Variants in WIF1 observed in about 807,000 individuals in gnomAD.
WIF1 encodes the protein Wnt inhibitory factor 1.
Under a neutral mutation model 53.5 loss-of-function variants are expected in WIF1, and 35 were observed. The ratio of observed to expected loss-of-function variants is 0.65; its 90% CI spans 0.50 to 0.87. The LOEUF (loss-of-function observed/expected upper bound fraction) is 0.87, where lower values mean the gene tolerates loss of function less well. Among genes scored for constraint, WIF1 ranks in the 40% least tolerant of loss-of-function variants. The probability of loss-of-function intolerance (pLI) is 0.00; values close to 1 mark genes in which losing one functional copy is unlikely to be tolerated. For synonymous variants in WIF1, 171 were observed against 170.4 expected, an observed-to-expected ratio of 1.00 and a Z score of -0.03; for missense variants, 467 against 476.8, an observed-to-expected ratio of 0.98 and a Z score of 0.19.
In WIF1 at chr12:65,106,380, TTTA is replaced by T. The variant is rs1204272302; in HGVS notation, c.288+14034_288+14036del. 1.4e-4 allele frequency among the ~76,000 whole-genome samples: 16 copies of T among 114,132 alleles called. No individual in the cohort carries two copies. In the East Asian group the frequency reaches 2.5e-3, roughly 18 times the overall value. 74.9% of individuals were successfully genotyped at this position (114,132 alleles called of 152,430 possible). A position where few individuals can be genotyped will look rare whatever the true frequency, so the allele number is the denominator to read the frequency against. On this transcript the variant is annotated intron_variant, in intron 2 of 9. Coordinates refer to ENST00000286574, the MANE Select transcript of WIF1 (RefSeq NM_007191.5). ...ATGATCATATATATATATATTTTTT[TTTA>T]TTTTTTTTGTTTTTGAGATGGAGTT...
intron 9 of WIF1, among the ~76,000 whole-genome samples, chr12:65,052,431 C>T (rs935593255): frequency 1.1e-4 from 17 of 152,062 alleles, no homozygotes; most frequent in African/African-American, 3.6e-4. Flanking sequence ...CCATGAAGCC[C>T]AAACCTTTCT....
intron 2 of WIF1, among the ~76,000 whole-genome samples, chr12:65,104,791 TGTAA>T (rs934506118): frequency 2.6e-5 from 4 of 152,220 alleles, no homozygotes; most frequent in Admixed American, 6.5e-5. Flanking sequence ...TTTAACATTC[TGTAA>T]GTAAGTAAAT....
In WIF1 at chr12:65,062,478, C is replaced by T. The variant is rs370608121; in HGVS notation, c.826+3G>A. On this transcript the variant is annotated splice_donor_region_variant and intron_variant, in intron 7 of 9. Transcript: ENST00000286574. ...CAAAAGAACGCAGAAAGTCAATACT[C>T]ACTGATTTCACACTGCTCTCCCTCT... 8 of 1,602,396 alleles carry T rather than the reference C, an allele frequency of 5.0e-6. No individual in the cohort carries two copies. Among genetic ancestry groups the T allele is most frequent in the Non-Finnish European group, 6.8e-6 (8 of 1,172,928 alleles).
At chr12:65,089,352 C>T (rs1483512129) in intron 2 of WIF1, among the ~76,000 whole-genome samples, 1 of 152,054 alleles carries the variant, frequency 6.6e-6, no homozygotes, top group African/African-American at 2.4e-5. Flanking sequence ...CTTTTCCTTC[C>T]CAATATTATG....
chr12:65,121,284 T>G lies in WIF1; in HGVS notation c.-93A>C. 7.5e-7 allele frequency: 1 copy of G among 1,329,154 alleles called. No homozygotes were observed. 82.3% of individuals were successfully genotyped at this position (1,329,154 alleles called of 1,614,324 possible). Reference sequence around the variant, plus strand: ...GATACTCTGCTGCGCTGCAGCTCCCTCAGCCAGGGCTGTTCCCGTTTAGAC... The same window carrying G: ...GATACTCTGCTGCGCTGCAGCTCCCGCAGCCAGGGCTGTTCCCGTTTAGAC... On this transcript the variant is annotated 5_prime_UTR_variant, in exon 1 of 10. Coordinates refer to ENST00000286574, the MANE Select transcript of WIF1 (RefSeq NM_007191.5).
chr12:65,057,224 C>T (rs893467604), intron 7 of WIF1, among the ~76,000 whole-genome samples: 2 of 152,172 alleles, frequency 1.3e-5, no homozygotes, highest in African/African-American at 4.8e-5. Context: ...GGCCAAGAGG[C>T]TGTGAGATGT....
chr12:65,120,643 A>G lies in WIF1; in HGVS notation c.149-87T>C, dbSNP rs989469809. The G allele has an allele frequency of 3.4e-6, 5 of 1,466,534 alleles. No homozygotes were observed. The African/African-American group carries it at 7.0e-5, about 21-fold the overall frequency. The allele number at this position is 1,466,534 out of a possible 1,614,324, so 90.8% of individuals were successfully genotyped here. On this transcript the variant is annotated intron_variant, in intron 1 of 9. Transcript: ENST00000286574. ...TTTCAAGCAAAAAGAAAACCAAAGA[A>G]TTAGTGTGGGTCATTTCTGTTCACA...
intron 2 of WIF1, among the ~76,000 whole-genome samples, chr12:65,080,782 A>C (rs987875233): frequency 6.6e-6 from 1 of 152,198 alleles, no homozygotes; most frequent in Non-Finnish European, 1.5e-5. Context: ...ATGGAAAAGA[A>C]ATGAATGGAT....
chr12:65,074,834 A>AAAAG (rs1555186499), intron 3 of WIF1, among the ~76,000 whole-genome samples: 6 of 142,472 alleles, frequency 4.2e-5, no homozygotes, highest in African/African-American at 1.0e-4. Context: ...AAAAAAAAAA[A>AAAAG]AAAAGAAAAG....
intron 2 of WIF1, among the ~76,000 whole-genome samples, chr12:65,106,548 G>C (rs1164227550): frequency 6.6e-6 from 1 of 151,968 alleles, no homozygotes; most frequent in Non-Finnish European, 1.5e-5. Context: ...GTTTTTAGTA[G>C]AGATGGGGTT....
intron 4 of WIF1, among the ~76,000 whole-genome samples, chr12:65,068,239 T>C (rs193077530): frequency 6.5e-4 from 99 of 152,206 alleles, no homozygotes; most frequent in Non-Finnish European, 1.3e-3. Flanking sequence ...CCTTTATAGT[T>C]AAATGGGCAT....
chr12:65,085,154 A>G (rs184143558), intron 2 of WIF1, among the ~76,000 whole-genome samples: 1 of 152,222 alleles, frequency 6.6e-6, no homozygotes, highest in Admixed American at 6.5e-5. Flanking sequence ...TACAGGATGT[A>G]ATTGTGCTAT....
intron 2 of WIF1, among the ~76,000 whole-genome samples, chr12:65,087,828 G>GA (rs919893878): frequency 2.7e-5 from 4 of 150,290 alleles, no homozygotes; most frequent in East Asian, 1.9e-4. Flanking sequence ...AGTCAAACAG[G>GA]AAAAAAAAAG....
intron 2 of WIF1, among the ~76,000 whole-genome samples, chr12:65,086,309 A>C (rs1430237748): frequency 6.6e-6 from 1 of 152,118 alleles, no homozygotes; most frequent in Non-Finnish European, 1.5e-5. Flanking sequence ...TTCCAGGACA[A>C]GTGCCTCCTC....
intron 2 of WIF1, among the ~76,000 whole-genome samples, chr12:65,100,625 T>C (rs1422840858): frequency 6.6e-6 from 1 of 152,200 alleles, no homozygotes. Flanking sequence ...CTTATGGCAG[T>C]AATCCTTAAA....
chr12:65,068,658 TG>T (rs1882725238), intron 4 of WIF1, 105 bp downstream of exon 4: 2 of 284,322 alleles, frequency 7.0e-6, no homozygotes, highest in South Asian at 1.2e-4. Context: ...CATGTGTGTG[TG>T]TGTGTGTGTG....
At chr12:65,068,245 G>C (rs897840817) in intron 4 of WIF1, among the ~76,000 whole-genome samples, 1 of 152,086 alleles carries the variant, frequency 6.6e-6, no homozygotes, top group African/African-American at 2.4e-5. Context: ...TAGTTAAATG[G>C]GCATCTGGGG....
intron 7 of WIF1, among the ~76,000 whole-genome samples, chr12:65,056,605 A>G (rs1032281156): frequency 1.3e-5 from 2 of 151,928 alleles, no homozygotes; most frequent in African/African-American, 4.8e-5. Flanking sequence ...AAAAGTTATG[A>G]CATAAATTAC....
intron 2 of WIF1, among the ~76,000 whole-genome samples, chr12:65,116,349 T>C (rs933255855): frequency 1.3e-5 from 2 of 152,030 alleles, no homozygotes; most frequent in African/African-American, 4.8e-5. Context: ...GCAGCGGCAT[T>C]AGGTTCCCAT....
Sources: gnomAD v4.1 joint callset for allele counts (sites outside exome capture counted in the v4.1 genomes callset) on GRCh38, gnomAD v4.1.1 for gene constraint, MANE v1.5 for transcripts, NCBI Gene and HGNC (gene_info 2026-07-23, HGNC 2026-07-21) for gene names.